The following GRM7 variants were observed in gnomAD, a reference collection of about 807,000 sequenced individuals.
GRM7 encodes glutamate metabotropic receptor 7.
GRM7 carries 35 observed loss-of-function variants against 84.5 expected under a neutral mutation model. That is an observed-to-expected ratio of 0.41 (90% confidence interval 0.32 to 0.55). The LOEUF (loss-of-function observed/expected upper bound fraction) is 0.55. GRM7 is among the 20% of genes least tolerant of loss of function. The pLI, the probability that GRM7 is intolerant of heterozygous loss-of-function variation, is 0.19. For missense variants in GRM7, 1,003 were observed against 1,194.6 expected (o/e 0.84, Z 2.36); for synonymous variants, 487 against 455.1 (o/e 1.07, Z -0.89).
intron 1 of GRM7, among the ~76,000 whole-genome samples, chr3:7,084,142 G>T (rs1406955511): frequency 1.3e-5 from 2 of 152,112 alleles, no homozygotes; most frequent in Non-Finnish European, 2.9e-5. Flanking sequence ...AATCATTTGG[G>T]CTACTCTCTG....
At chr3:7,250,213 A>T (rs2124937000) in intron 2 of GRM7, among the ~76,000 whole-genome samples, 1 of 152,302 alleles carries the variant, frequency 6.6e-6, no homozygotes, top group Non-Finnish European at 1.5e-5. Context: ...TAAAAAACCA[A>T]AATGCCTCAG....
Position 7,740,447 on chromosome 3 carries a change from A to T in GRM7, c.*41A>T. On this transcript the variant is annotated 3_prime_UTR_variant, in exon 10 of 10. Coordinates refer to ENST00000357716, the MANE Select transcript of GRM7 (RefSeq NM_000844.4). ...GGAACCATGGAGGAGGAAGACCCTC[A>T]GTTATTTTGTCACCCAACCTGGCAT... The T allele has an allele frequency of 8.4e-7, 1 of 1,194,106 alleles. No individual in the cohort carries two copies. The allele number at this position is 1,194,106 out of a possible 1,614,324, so 74.0% of individuals were successfully genotyped here. A position where few individuals can be genotyped will look rare whatever the true frequency, so the allele number is the denominator to read the frequency against.
At chr3:7,167,425 T>A (rs1499150) in intron 2 of GRM7, among the ~76,000 whole-genome samples, 9,288 of 152,248 alleles carry the variant, frequency 0.061, 324 homozygotes, top group African/African-American at 0.086. Context: ...CATTTTATAG[T>A]TAGGCTAGAG....
intron 2 of GRM7, among the ~76,000 whole-genome samples, chr3:7,241,831 G>T (rs1326043494): frequency 6.6e-6 from 1 of 152,118 alleles, no homozygotes; most frequent in African/African-American, 2.4e-5. Flanking sequence ...GTGTGTGTTT[G>T]TTGATCAAAC....
chr3:7,548,175 G>A (rs1188824320), intron 7 of GRM7, among the ~76,000 whole-genome samples: 2 of 152,208 alleles, frequency 1.3e-5, no homozygotes, highest in Admixed American at 1.3e-4. Context: ...GGTCATAGGT[G>A]AAGGTTCCTC....
At chr3:6,870,624 G>T (rs952467606) in intron 1 of GRM7, among the ~76,000 whole-genome samples, 8 of 152,154 alleles carry the variant, frequency 5.3e-5, no homozygotes, top group Non-Finnish European at 1.5e-5. Context: ...TGAGGGTAAG[G>T]GCAAAGAGTA....
intron 1 of GRM7, among the ~76,000 whole-genome samples, chr3:6,890,679 G>A (rs1001967375): frequency 6.6e-6 from 1 of 152,074 alleles, no homozygotes; most frequent in Non-Finnish European, 1.5e-5. Context: ...GAATAGGTGT[G>A]GTGTGGTGCT....
chr3:7,715,685 A>G (rs1017424944), intron 9 of GRM7, among the ~76,000 whole-genome samples: 1 of 152,168 alleles, frequency 6.6e-6, no homozygotes, highest in Admixed American at 6.5e-5. Flanking sequence ...CCAGCCTGCC[A>G]AAGTCACACA....
intron 2 of GRM7, among the ~76,000 whole-genome samples, chr3:7,226,812 G>T (rs964062674): frequency 2.0e-5 from 3 of 151,958 alleles, no homozygotes; most frequent in Non-Finnish European, 4.4e-5. Flanking sequence ...CTCCATAGTC[G>T]GCTCCTGGGG....
At chr3:7,352,201 T>C (rs1458052472) in intron 4 of GRM7, among the ~76,000 whole-genome samples, 3 of 152,068 alleles carry the variant, frequency 2.0e-5, no homozygotes, top group African/African-American at 7.2e-5. Flanking sequence ...AAGGTTCTAC[T>C]TTTTATAGTA....
At chr3:7,638,463 G>A (rs1215406675) in intron 8 of GRM7, among the ~76,000 whole-genome samples, 1 of 152,184 alleles carries the variant, frequency 6.6e-6, no homozygotes, top group Non-Finnish European at 1.5e-5. Flanking sequence ...GATCCAGTTT[G>A]ATGATAATAA....
chr3:7,444,564 C>T (rs963849383), intron 5 of GRM7, among the ~76,000 whole-genome samples: 1 of 152,096 alleles, frequency 6.6e-6, no homozygotes, highest in Non-Finnish European at 1.5e-5. Flanking sequence ...CAACAAATTG[C>T]TCTTGGCCAT....
At chr3:7,028,832 AG>A (rs1232136938) in intron 1 of GRM7, among the ~76,000 whole-genome samples, 1 of 152,232 alleles carries the variant, frequency 6.6e-6, no homozygotes, top group Non-Finnish European at 1.5e-5. Flanking sequence ...AAACAAATTA[AG>A]ATGTGCTAAG....
At chr3:6,929,763 C>G (rs1697434607) in intron 1 of GRM7, among the ~76,000 whole-genome samples, 1 of 152,138 alleles carries the variant, frequency 6.6e-6, no homozygotes. Context: ...AAATTGATTA[C>G]AATCCTAAGT....
At chr3:7,568,373 C>T (rs1490522316) in intron 7 of GRM7, among the ~76,000 whole-genome samples, 5 of 152,248 alleles carry the variant, frequency 3.3e-5, no homozygotes, top group Admixed American at 2.6e-4. Flanking sequence ...GCTTCACAAT[C>T]ATGGCAAAAG....
chr3:7,432,615 C>G (rs376140671), intron 5 of GRM7, among the ~76,000 whole-genome samples: 6 of 150,298 alleles, frequency 4.0e-5, no homozygotes, highest in African/African-American at 1.5e-4. Context: ...AGCCACCATG[C>G]CCAGCCGGGC....
chr3:7,253,883 A>C (rs1698102277), intron 2 of GRM7, among the ~76,000 whole-genome samples: 1 of 152,116 alleles, frequency 6.6e-6, no homozygotes, highest in African/African-American at 2.4e-5. Flanking sequence ...AATTGATGAG[A>C]TATCCCCTTT....
chr3:6,902,509 G>A (rs1045030521), intron 1 of GRM7, among the ~76,000 whole-genome samples: 2 of 151,982 alleles, frequency 1.3e-5, no homozygotes, highest in Admixed American at 6.6e-5. Context: ...TAAGTTTAAC[G>A]TTTAGAACTA....
intron 4 of GRM7, among the ~76,000 whole-genome samples, chr3:7,312,936 C>CTTTTTTTT (rs372557190): frequency 1.1e-3 from 142 of 127,210 alleles, no homozygotes; most frequent in East Asian, 1.8e-3. Context: ...TTCTTTTTTT[C>CTTTTTTTT]TTTTTTTTTT....
Sources: allele counts gnomAD v4.1 joint callset (sites outside exome capture counted in the v4.1 genomes callset), GRCh38; gene constraint gnomAD v4.1.1; transcripts MANE v1.5; gene names NCBI Gene and HGNC (gene_info 2026-07-23, HGNC 2026-07-21).